Variants in ACTN1 observed in about 807,000 individuals in gnomAD.
ACTN1 encodes actinin alpha 1, also known as alpha-actinin-1.
A neutral mutation model predicts 119.6 loss-of-function variants in ACTN1; 30 were observed. The observed-to-expected ratio is 0.25, with a 90% CI of 0.19 to 0.34. The LOEUF is 0.34. Ranked by LOEUF, ACTN1 falls within the 10% of genes least tolerant of loss-of-function variation. The pLI, the probability that ACTN1 is intolerant of heterozygous loss-of-function variation, is 1.00. For missense variants in ACTN1, 764 were observed against 1,223.4 expected (o/e 0.62, Z 5.60); for synonymous variants, 429 against 472.6 (o/e 0.91, Z 1.20).
chr14:68,927,696 A>T (rs2035004106), intron 1 of ACTN1, among the ~76,000 whole-genome samples: 1 of 152,192 alleles, frequency 6.6e-6, no homozygotes, highest in African/African-American at 2.4e-5. Context: ...CGTATGTACC[A>T]AGCATCCTTC....
chr14:68,942,780 G>A (rs1200286167), intron 1 of ACTN1, among the ~76,000 whole-genome samples: 3 of 152,128 alleles, frequency 2.0e-5, no homozygotes, highest in Non-Finnish European at 4.4e-5. Context: ...CCTGCTCAAT[G>A]CAATCCTCAC....
In ACTN1 at chr14:68,878,548, C is replaced by T. The variant is rs759765360; in HGVS notation, c.2362-25G>A. The T allele has an allele frequency of 6.3e-5, 102 of 1,612,074 alleles. No individual in the cohort carries two copies. Among genetic ancestry groups the T allele is most frequent in the East Asian group, 1.1e-4 (5 of 44,870 alleles). On this transcript the variant is annotated intron_variant, in intron 19 of 21. Transcript: ENST00000394419. This position sits in a 1 kb window ranked among gnomAD's most constrained non-coding sequence, Gnocchi z 4.4. Reference sequence around the variant, plus strand: ...TCTGTGGGGGGCAGTGGTACCAAGACACAAGGAGGGTCGGGAAGGCAGGAA... The same window carrying T: ...TCTGTGGGGGGCAGTGGTACCAAGATACAAGGAGGGTCGGGAAGGCAGGAA...
Position 68,925,821 on chromosome 14 carries a change from G to T in ACTN1, c.106-149C>A. On this transcript the variant is annotated intron_variant, in intron 1 of 21. Coordinates refer to ENST00000394419, the MANE Select transcript of ACTN1 (RefSeq NM_001130004.2). This position sits in a 1 kb window ranked among gnomAD's most constrained non-coding sequence, Gnocchi z 4.3. ...TTGCCCCACCATGGTCTCATTCACTGCATCAACCAAGCACTGAGCTACCCA... is the reference window on the plus strand; with the variant it reads ...TTGCCCCACCATGGTCTCATTCACTTCATCAACCAAGCACTGAGCTACCCA... The T allele has an allele frequency of 1.7e-6, 1 of 588,012 alleles. No individual in the cohort carries two copies. The allele number at this position is 588,012 out of a possible 1,614,324, so 36.4% of individuals were successfully genotyped here. A position where few individuals can be genotyped will look rare whatever the true frequency, so the allele number is the denominator to read the frequency against.
chr14:68,932,307 G>A (rs1467670006), intron 1 of ACTN1, among the ~76,000 whole-genome samples: 1 of 151,608 alleles, frequency 6.6e-6, no homozygotes, highest in African/African-American at 2.4e-5. Context: ...TCCCGTGCTG[G>A]ATGCCTCCTG....
intron 8 of ACTN1, among the ~76,000 whole-genome samples, chr14:68,900,325 GT>G (rs2033226776): frequency 6.6e-6 from 1 of 152,034 alleles, no homozygotes; most frequent in Admixed American, 6.6e-5. Flanking sequence ...CTGCACACAC[GT>G]GGCACTTGTG....
chr14:68,897,519 A>G (rs543283350), intron 8 of ACTN1, among the ~76,000 whole-genome samples: 1 of 152,174 alleles, frequency 6.6e-6, no homozygotes, highest in Non-Finnish European at 1.5e-5. Context: ...CAGTCTAGAG[A>G]GGAACTGTCC....
chr14:68,879,389 C>G lies in ACTN1; in HGVS notation c.2281-320G>C, dbSNP rs1437352395. Among the ~76,000 whole-genome samples, 2 of 152,086 alleles carry G rather than the reference C, an allele frequency of 1.3e-5. No individual in the cohort carries two copies. Among genetic ancestry groups the G allele is most frequent in the Non-Finnish European group, 1.5e-5 (1 of 67,982 alleles). On this transcript the variant is annotated intron_variant, in intron 18 of 21. Coordinates refer to ENST00000394419, the MANE Select transcript of ACTN1 (RefSeq NM_001130004.2). This position sits in a 1 kb window ranked among gnomAD's most constrained non-coding sequence, Gnocchi z 4.9. Reference sequence around the variant, plus strand: ...CCCCCGCTTCCCCAGGGGCTTCCCCCCAGGTGCCTAGAGAGCCATGAAGCA... The same window carrying G: ...CCCCCGCTTCCCCAGGGGCTTCCCCGCAGGTGCCTAGAGAGCCATGAAGCA...
chr14:68,884,526 G>A (rs939585959), intron 13 of ACTN1, among the ~76,000 whole-genome samples: 4 of 152,210 alleles, frequency 2.6e-5, no homozygotes, highest in African/African-American at 9.7e-5. Context: ...TTCTCAAATG[G>A]CTGGGGTTGG....
intron 1 of ACTN1, among the ~76,000 whole-genome samples, chr14:68,926,095 T>A (rs1432751927): frequency 6.6e-6 from 1 of 152,190 alleles, no homozygotes; most frequent in African/African-American, 2.4e-5. Flanking sequence ...TGTTGATACC[T>A]TAGGGTAAAT....
intron 21 of ACTN1, among the ~76,000 whole-genome samples, chr14:68,875,390 C>T (rs561397953): frequency 1.3e-5 from 2 of 152,364 alleles, no homozygotes; most frequent in South Asian, 2.1e-4. Flanking sequence ...AGACCCCACA[C>T]GCACTCAACT....
At position 68,885,308 on chromosome 14, in the gene ACTN1, C is replaced by T; in HGVS notation, c.1385+117G>A. The T allele has an allele frequency of 7.6e-7, 1 of 1,321,468 alleles. No homozygotes were observed. The highest frequency in any genetic ancestry group is 1.0e-6 in the Non-Finnish European group (1 of 989,534). The allele number at this position is 1,321,468 out of a possible 1,614,324, so 81.9% of individuals were successfully genotyped here. On this transcript the variant is annotated intron_variant, in intron 12 of 21. Coordinates refer to ENST00000394419, the MANE Select transcript of ACTN1 (RefSeq NM_001130004.2). This position sits in a 1 kb window ranked among gnomAD's most constrained non-coding sequence, Gnocchi z 5.6. ...TGCGTTGACTCCCTCCCCACCTGGG[C>T]ACCCACCTGTACCCACCCTCCCCAT...
At chr14:68,973,141 G>A (rs1041437003) in intron 1 of ACTN1, among the ~76,000 whole-genome samples, 4 of 152,132 alleles carry the variant, frequency 2.6e-5, no homozygotes, top group African/African-American at 9.7e-5. Context: ...CAGAGAAGGG[G>A]GAGCCTGGGC....
At chr14:68,946,653 G>T (rs1299419992) in intron 1 of ACTN1, among the ~76,000 whole-genome samples, 2 of 152,094 alleles carry the variant, frequency 1.3e-5, no homozygotes, top group Non-Finnish European at 2.9e-5. Flanking sequence ...GAAGCCCAAG[G>T]CCCCACATGC....
At chr14:68,905,935 A>G (rs1177581793) in intron 6 of ACTN1, among the ~76,000 whole-genome samples, 11 of 150,836 alleles carry the variant, frequency 7.3e-5, no homozygotes, top group African/African-American at 2.7e-4. Context: ...ATGAGCCAAG[A>G]TCGCGCTGCT....
intron 1 of ACTN1, among the ~76,000 whole-genome samples, chr14:68,972,492 T>C (rs1395502720): frequency 3.3e-5 from 5 of 152,324 alleles, no homozygotes; most frequent in African/African-American, 1.2e-4. Context: ...CTTAGGTTTT[T>C]AAAAATTGAG....
In ACTN1 at chr14:68,882,742, G is replaced by A; in HGVS notation, c.1818+131C>T. 1 of 1,503,794 alleles carries A rather than the reference G, an allele frequency of 6.6e-7. No individual in the cohort carries two copies. Among genetic ancestry groups the A allele is most frequent in the Admixed American group, 1.9e-5 (1 of 53,558 alleles). 93.2% of individuals were successfully genotyped at this position (1,503,794 alleles called of 1,614,324 possible). A position where few individuals can be genotyped will look rare whatever the true frequency, so the allele number is the denominator to read the frequency against. Reference sequence around the variant, plus strand: ...ACCTGTTCTGGAAACCCAGTCATTTGACATTTGGACAAACAATGAGTGTTT... The same window carrying A: ...ACCTGTTCTGGAAACCCAGTCATTTAACATTTGGACAAACAATGAGTGTTT... On this transcript the variant is annotated intron_variant, in intron 15 of 21. Coordinates refer to ENST00000394419, the MANE Select transcript of ACTN1 (RefSeq NM_001130004.2). The surrounding 1 kb of genome is among the most constrained non-coding windows in gnomAD (Gnocchi z 4.5).
At chr14:68,931,716 C>T (rs1006887270) in intron 1 of ACTN1, among the ~76,000 whole-genome samples, 19 of 152,056 alleles carry the variant, frequency 1.2e-4, no homozygotes, top group African/African-American at 4.4e-4. Context: ...TGCAGTAGCA[C>T]GTGGAAAATG....
At chr14:68,875,178 A>G in intron 21 of ACTN1, 161 bp from the exon 22 acceptor site, 2 of 1,510,182 alleles carry the variant, frequency 1.3e-6, no homozygotes, top group East Asian at 2.5e-5. Flanking sequence ...ATATCCACAC[A>G]TGTACATACC....
At chr14:68,924,986 G>A (rs1468491127) in intron 2 of ACTN1, among the ~76,000 whole-genome samples, 1 of 152,204 alleles carries the variant, frequency 6.6e-6, no homozygotes, top group East Asian at 1.9e-4. Context: ...AGAGGGCTGG[G>A]CTGGGATTAG....
Sources: gnomAD v4.1 joint callset for allele counts (sites outside exome capture counted in the v4.1 genomes callset) on GRCh38, gnomAD v4.1.1 for gene constraint, Gnocchi (gnomAD v3.1) non-coding constraint, MANE v1.5 for transcripts, NCBI Gene and HGNC (gene_info 2026-07-23, HGNC 2026-07-21) for gene names.